The following SENP7 variants were observed in gnomAD, a reference collection of about 807,000 sequenced individuals.
SENP7 encodes the protein SUMO specific peptidase 7.
Under a neutral mutation model 141.2 loss-of-function variants are expected in SENP7, and 64 were observed. The observed-to-expected ratio is 0.45, with a 90% CI of 0.37 to 0.56. SENP7 has a LOEUF of 0.56. SENP7 is among the 20% of genes least tolerant of loss of function. SENP7 has a pLI of 0.00. For synonymous variants in SENP7, 382 were observed against 426.4 expected, an observed-to-expected ratio of 0.90 and a Z score of 1.28; for missense variants, 1,025 against 1,212.2, an observed-to-expected ratio of 0.85 and a Z score of 2.29.
chr3:101,380,791 C>A (rs2060480618), intron 6 of SENP7, among the ~76,000 whole-genome samples: 1 of 151,960 alleles, frequency 6.6e-6, no homozygotes, highest in Non-Finnish European at 1.5e-5. Context: ...CAGATACATA[C>A]TATTTACTGG....
In SENP7 at chr3:101,493,950, C is replaced by T; in HGVS notation, c.109G>A (p.Ala37Thr). 6.2e-7 allele frequency: 1 copy of T among 1,607,008 alleles called. No individual in the cohort carries two copies. The highest frequency in any genetic ancestry group is 8.5e-7 in the Non-Finnish European group (1 of 1,174,346). Residue 37 changes from alanine to threonine, a missense_variant, in exon 3 of 24, where the codon GCA becomes ACA. Ala to Thr is a moderately conservative substitution (Grantham distance 58). Transcript: ENST00000394095. The part of the protein sequence containing the change: ...DLSEIRKMLN[A>T]KPEDVHVQSP... ...TGAACATGGACATCCTCTGGTTTTGCATTTAACATCTTTCTTATCTGAAAA... is the reference window on the plus strand; with the variant it reads ...TGAACATGGACATCCTCTGGTTTTGTATTTAACATCTTTCTTATCTGAAAA...
intron 11 of SENP7, among the ~76,000 whole-genome samples, chr3:101,352,567 C>G (rs571985174): frequency 1.3e-5 from 2 of 152,102 alleles, no homozygotes; most frequent in East Asian, 1.9e-4. Context: ...GGTTGTGGAG[C>G]ACCTAGCTAA....
At chr3:101,463,994 T>G (rs1350823385) in intron 3 of SENP7, among the ~76,000 whole-genome samples, 1 of 152,024 alleles carries the variant, frequency 6.6e-6, no homozygotes, top group East Asian at 1.9e-4. Context: ...CCAGCTAATT[T>G]TTTGTATTTT....
At chr3:101,382,431 A>G (rs2060529522) in intron 6 of SENP7, among the ~76,000 whole-genome samples, 4 of 152,092 alleles carry the variant, frequency 2.6e-5, no homozygotes, top group Admixed American at 2.6e-4. Context: ...CCATCCTCCT[A>G]TCTTGGCCTC....
intron 3 of SENP7, among the ~76,000 whole-genome samples, chr3:101,462,959 C>T (rs182541103): frequency 5.9e-5 from 9 of 152,050 alleles, no homozygotes; most frequent in Admixed American, 2.6e-4. Context: ...AAAAGACATA[C>T]AATTAAGAAA....
chr3:101,451,884 A>C (rs1275283192), intron 4 of SENP7, among the ~76,000 whole-genome samples: 1 of 152,226 alleles, frequency 6.6e-6, no homozygotes, highest in Non-Finnish European at 1.5e-5. Context: ...AAGAGAAGGA[A>C]ATAAAGGGTA....
chr3:101,351,202 G>T (rs2059604012), intron 12 of SENP7, among the ~76,000 whole-genome samples: 1 of 151,868 alleles, frequency 6.6e-6, no homozygotes, highest in Non-Finnish European at 1.5e-5. Context: ...TAAGTTACAG[G>T]TACATTTTCC....
intron 4 of SENP7, among the ~76,000 whole-genome samples, chr3:101,448,938 A>T (rs2063006360): frequency 6.6e-6 from 1 of 152,184 alleles, no homozygotes; most frequent in Non-Finnish European, 1.5e-5. Flanking sequence ...GAGCTAAAGG[A>T]GGAAGTTCGA....
chr3:101,471,838 A>C (rs1247393108), intron 3 of SENP7, among the ~76,000 whole-genome samples: 1 of 152,162 alleles, frequency 6.6e-6, no homozygotes, highest in African/African-American at 2.4e-5. Context: ...AAAAGTGGGC[A>C]AAGGATATGA....
At chr3:101,406,445 AG>A in intron 5 of SENP7, among the ~76,000 whole-genome samples, 1 of 150,974 alleles carries the variant, frequency 6.6e-6, no homozygotes, top group African/African-American at 2.4e-5. Context: ...GAGTGGGGGG[AG>A]GGGGGAAGGA....
At chr3:101,365,438 T>A (rs1313228994) in intron 9 of SENP7, among the ~76,000 whole-genome samples, 1 of 148,912 alleles carries the variant, frequency 6.7e-6, no homozygotes, top group Non-Finnish European at 1.5e-5. Context: ...GAGTTCAAGA[T>A]CAGCCAGGCC....
rs777785035 is a variant in SENP7, at chr3:101,332,847, T to C, written c.2496A>G (p.Arg832=). ...GAGTCCATGTTCTTACTCTTTTATG[T>C]CTTCTCTGTGCCATTCTGAGAGTAT... is the stretch of plus-strand genomic sequence containing the variant. The part of the protein sequence containing the change: ...DNPNLSMAQR[R]HKRVRTWTRH... Residue 832 remains arginine, a synonymous_variant, in exon 18 of 24, where the codon AGA becomes AGG. Transcript: ENST00000394095. The C allele has an allele frequency of 3.5e-5, 55 of 1,581,836 alleles. No individual in the cohort carries two copies. Among genetic ancestry groups the C allele is most frequent in the Non-Finnish European group, 4.5e-5 (52 of 1,168,060 alleles).
intron 3 of SENP7, among the ~76,000 whole-genome samples, chr3:101,486,507 A>G (rs562801987): frequency 7.4e-4 from 112 of 152,332 alleles, no homozygotes; most frequent in African/African-American, 2.4e-3. Flanking sequence ...AACGAAAGTA[A>G]GTATCATTTA....
At position 101,346,799 on chromosome 3, in the gene SENP7, G is replaced by T. The variant is rs948454206; in HGVS notation, c.1837+1073C>A. 4.0e-5 allele frequency among the ~76,000 whole-genome samples: 6 copies of T among 151,820 alleles called. No individual in the cohort carries two copies. In the South Asian group the frequency reaches 1.2e-3, roughly 32 times the overall value. ...GTGAGGGATAAAAGACTATAAATTG[G>T]GTTCAGTGTATACTGCTCGGGTTAT... On this transcript the variant is annotated intron_variant, in intron 13 of 23. Coordinates refer to ENST00000394095, the MANE Select transcript of SENP7 (RefSeq NM_020654.5).
chr3:101,449,041 G>A (rs1481240539), intron 4 of SENP7, among the ~76,000 whole-genome samples: 4 of 152,148 alleles, frequency 2.6e-5, no homozygotes, highest in Non-Finnish European at 4.4e-5. Context: ...AAGACGTGAT[G>A]GAGCTGAAAA....
chr3:101,482,576 T>C (rs1443277850), intron 3 of SENP7, among the ~76,000 whole-genome samples: 1 of 152,160 alleles, frequency 6.6e-6, no homozygotes. Flanking sequence ...AGAAAGTTTA[T>C]AGAGAAGCAA....
At chr3:101,501,496 G>C (rs2065376704) in intron 1 of SENP7, among the ~76,000 whole-genome samples, 1 of 152,020 alleles carries the variant, frequency 6.6e-6, no homozygotes, top group Non-Finnish European at 1.5e-5. Flanking sequence ...GGTAGAAGCA[G>C]GTGAAATTCT....
At chr3:101,447,360 T>C (rs1200916275) in intron 4 of SENP7, among the ~76,000 whole-genome samples, 1 of 152,070 alleles carries the variant, frequency 6.6e-6, no homozygotes, top group African/African-American at 2.4e-5. Context: ...GAGGATCACT[T>C]AAGCCCAGGA....
chr3:101,430,420 G>A (rs1298981452), intron 4 of SENP7, among the ~76,000 whole-genome samples: 1 of 152,138 alleles, frequency 6.6e-6, no homozygotes, highest in African/African-American at 2.4e-5. Flanking sequence ...TCTTAGGAGG[G>A]TATATTTGTC....
Sources: allele counts gnomAD v4.1 joint callset (sites outside exome capture counted in the v4.1 genomes callset), GRCh38; gene constraint gnomAD v4.1.1; transcripts MANE v1.5; gene names NCBI Gene and HGNC (gene_info 2026-07-23, HGNC 2026-07-21).